The following CSTF1 variants were observed in gnomAD, a reference collection of about 807,000 sequenced individuals.
The protein encoded by CSTF1 is cleavage stimulation factor subunit 1.
In CSTF1, 2 loss-of-function variants were observed where a neutral mutation model predicts 40.9. The ratio of observed to expected loss-of-function variants is 0.05; its 90% CI spans 0.02 to 0.15. The LOEUF is 0.15. Among genes scored for constraint, CSTF1 ranks in the 10% least tolerant of loss-of-function variants. The pLI is 1.00. For missense variants in CSTF1, 279 were observed against 558.9 expected (o/e 0.50, Z 5.05); for synonymous variants, 218 against 207.2 (o/e 1.05, Z -0.45).
At chr20:56,395,833 G>A in intron 2 of CSTF1, 112 bp downstream of exon 2, 1 of 1,135,964 alleles carries the variant, frequency 8.8e-7, no homozygotes, top group South Asian at 1.6e-5. Context: ...TATGAGCCGG[G>A]TACTTCAGTA....
At position 56,397,323 on chromosome 20, in the gene CSTF1, G is replaced by C. The variant is rs1987546249; in HGVS notation, c.286G>C (p.Ala96Pro). The C allele has an allele frequency of 6.2e-7, 1 of 1,614,064 alleles. No individual in the cohort carries two copies. Among genetic ancestry groups the C allele is most frequent in the Non-Finnish European group, 8.5e-7 (1 of 1,180,032 alleles). The change falls in exon 3 of 6, where the codon GCT (alanine) becomes CCT (proline). Residue 96 changes from alanine to proline, a missense_variant. By Grantham distance (27) the Ala-to-Pro change is conservative. Around this residue, in one of 4 missense-constraint regions of CSTF1, gnomAD observed 66 missense variants for 148.0 expected, o/e 0.45. Coordinates refer to ENST00000217109, the MANE Select transcript of CSTF1 (RefSeq NM_001324.3). This position sits in a 1 kb window ranked among gnomAD's most constrained non-coding sequence, Gnocchi z 4.4. ...AGATGTTCAGACTATGTCCCCAGAG[G>C]CTTCTGAGTACGAAACATGCTATGT... ...DADVQTMSPE[A>P]SEYETCYVTS...
At chr20:56,396,173 C>T (rs1987513069) in intron 2 of CSTF1, among the ~76,000 whole-genome samples, 1 of 152,214 alleles carries the variant, frequency 6.6e-6, no homozygotes, top group Admixed American at 6.5e-5. Context: ...ACACTTCCCA[C>T]CTACTGCTGC....
Position 56,403,847 on chromosome 20 carries a change from T to C in CSTF1, c.*120T>C, listed in dbSNP as rs1224406164. ...CGTTTTGCTGCCACCTCTGTCCACA[T>C]TCTTCTTGGATTTGTATAAAAGAAT... On this transcript the variant is annotated 3_prime_UTR_variant, in exon 6 of 6. Coordinates refer to ENST00000217109, the MANE Select transcript of CSTF1 (RefSeq NM_001324.3). The C allele has an allele frequency of 5.0e-6, 5 of 997,672 alleles. No individual in the cohort carries two copies. The highest frequency in any genetic ancestry group is 5.5e-4 in the Middle Eastern group (2 of 3,646). 61.8% of individuals were successfully genotyped at this position (997,672 alleles called of 1,614,324 possible).
At chr20:56,401,484 T>C (rs1341021747) in intron 5 of CSTF1, among the ~76,000 whole-genome samples, 1 of 152,222 alleles carries the variant, frequency 6.6e-6, no homozygotes, top group East Asian at 1.9e-4. Flanking sequence ...GGTAAAATAT[T>C]TCAGCACAGT....
At chr20:56,403,361 G>GGT in intron 5 of CSTF1, 107 bp from the exon 6 acceptor site, 1 of 1,285,188 alleles carries the variant, frequency 7.8e-7, no homozygotes, top group South Asian at 1.3e-5. Flanking sequence ...AAGTGTACAA[G>GGT]GTGTATCACT....
At chr20:56,393,130 A>AT (rs879898831) in intron 1 of CSTF1, among the ~76,000 whole-genome samples, 1,534 of 134,798 alleles carry the variant, frequency 0.011, 19 homozygotes, top group African/African-American at 0.04. Flanking sequence ...ATATATATAT[A>AT]TACACACACA....
rs746714304 is a variant in CSTF1, at chr20:56,397,182, C to A, written c.170-25C>A. ...TTAAGAAAAAACACTTGTTTTGTTA[C>A]GCCCTTAATTTTGATTTCTTTCAGG... is the stretch of plus-strand genomic sequence containing the variant. On this transcript the variant is annotated intron_variant, in intron 2 of 5. Coordinates refer to ENST00000217109, the MANE Select transcript of CSTF1 (RefSeq NM_001324.3). The surrounding 1 kb of genome is among the most constrained non-coding windows in gnomAD (Gnocchi z 4.4). 3 of 1,595,012 alleles carry A rather than the reference C, an allele frequency of 1.9e-6. No homozygotes were observed. Among genetic ancestry groups the A allele is most frequent in the Non-Finnish European group, 2.6e-6 (3 of 1,169,488 alleles).
chr20:56,395,470 T>A, intron 1 of CSTF1, 51 bp from the exon 2 acceptor site: 1 of 1,228,268 alleles, frequency 8.1e-7, no homozygotes, highest in African/African-American at 1.5e-5. Context: ...ATGTTGCTTC[T>A]GTGATTTACT....
intron 2 of CSTF1, among the ~76,000 whole-genome samples, chr20:56,396,435 A>G (rs1024068109): frequency 6.6e-6 from 1 of 152,254 alleles, no homozygotes; most frequent in Non-Finnish European, 1.5e-5. Flanking sequence ...AGTGAATACT[A>G]TAACATAATT....
In CSTF1 at chr20:56,397,410, A is replaced by G. The variant is rs1334892659; in HGVS notation, c.373A>G (p.Thr125Ala). The G allele has an allele frequency of 6.2e-7, 1 of 1,614,204 alleles. No individual in the cohort carries two copies. ...TAGTAGAGATGGACAGTTAATAGCT[A>G]CTGGGTCTGCTGATGCTTCGATAAA... is the stretch of plus-strand genomic sequence containing the variant. ...TYSRDGQLIA[T>A]GSADASIKIL... is the part of the protein sequence containing the mutation. The change falls in exon 3 of 6, where the codon ACT (threonine) becomes GCT (alanine). Residue 125 changes from threonine to alanine, a missense_variant. Thr to Ala is a moderately conservative substitution (Grantham distance 58). This residue lies in a region of CSTF1 where 66 missense variants were observed against 148.0 expected (regional missense o/e 0.45). Transcript: ENST00000217109. This position sits in a 1 kb window ranked among gnomAD's most constrained non-coding sequence, Gnocchi z 4.4.
chr20:56,398,091 T>C (rs1214454085), intron 4 of CSTF1, among the ~76,000 whole-genome samples: 1 of 152,196 alleles, frequency 6.6e-6, no homozygotes, highest in East Asian at 1.9e-4. Context: ...TATCACTCTC[T>C]AAAGGTTGTA....
chr20:56,405,881 A>G lies in CSTF1; in HGVS notation c.*2154A>G, dbSNP rs1010608694. 4 of 152,154 alleles carry G rather than the reference A, an allele frequency of 2.6e-5. No homozygotes were observed. Among genetic ancestry groups the G allele is most frequent in the African/African-American group, 9.7e-5 (4 of 41,432 alleles). The allele number at this position is 152,154 out of a possible 1,614,324, so 9.4% of individuals were successfully genotyped here. On this transcript the variant is annotated 3_prime_UTR_variant, in exon 6 of 6. Coordinates refer to ENST00000217109, the MANE Select transcript of CSTF1 (RefSeq NM_001324.3). The stretch of plus-strand genomic sequence containing the variant: ...TTTCCTTTTGCTTTCAACCTCTTAA[A>G]CTGTAAAGGAGAGATTTAATGTTTC...
At position 56,405,020 on chromosome 20, in the gene CSTF1, T is replaced by A. The variant is rs1309581311; in HGVS notation, c.*1293T>A. 6.6e-6 allele frequency: 1 copy of A among 151,108 alleles called. No homozygotes were observed. The highest frequency in any genetic ancestry group is 2.4e-5 in the African/African-American group (1 of 40,956). The allele number at this position is 151,108 out of a possible 1,614,324, so 9.4% of individuals were successfully genotyped here. A position where few individuals can be genotyped will look rare whatever the true frequency, so the allele number is the denominator to read the frequency against. On this transcript the variant is annotated 3_prime_UTR_variant, in exon 6 of 6. Coordinates refer to ENST00000217109, the MANE Select transcript of CSTF1 (RefSeq NM_001324.3). Reference sequence around the variant, plus strand: ...TTCTCTGGATTCAGCACTAGCAGAGTCAGAGAACTCTGAACTCCCCTTGTA... The same window carrying A: ...TTCTCTGGATTCAGCACTAGCAGAGACAGAGAACTCTGAACTCCCCTTGTA...
intron 5 of CSTF1, among the ~76,000 whole-genome samples, chr20:56,402,947 AAG>A (rs1237359288): frequency 5.9e-5 from 9 of 151,964 alleles, no homozygotes; most frequent in African/African-American, 2.2e-4. Context: ...AAAAAAAAAA[AAG>A]ATCACACACA....
In CSTF1 at chr20:56,397,971, A is replaced by G; in HGVS notation, c.645+130A>G. On this transcript the variant is annotated intron_variant, in intron 4 of 5. Coordinates refer to ENST00000217109, the MANE Select transcript of CSTF1 (RefSeq NM_001324.3). This position sits in a 1 kb window ranked among gnomAD's most constrained non-coding sequence, Gnocchi z 4.4. Reference sequence around the variant, plus strand: ...GCGTACAGACCAGGATGCATGCCCGATGGCACATGGATCAGATTTTGTTGG... The same window carrying G: ...GCGTACAGACCAGGATGCATGCCCGGTGGCACATGGATCAGATTTTGTTGG... The G allele has an allele frequency of 1.4e-6, 1 of 701,714 alleles. No homozygotes were observed. Among genetic ancestry groups the G allele is most frequent in the East Asian group, 2.7e-5 (1 of 37,160 alleles). 43.5% of individuals were successfully genotyped at this position (701,714 alleles called of 1,614,324 possible). A position where few individuals can be genotyped will look rare whatever the true frequency, so the allele number is the denominator to read the frequency against.
rs1987494199 is a variant in CSTF1, at chr20:56,395,575, T to C, written c.23T>C (p.Leu8Ser). ...AAGATGTACAGAACCAAAGTGGGCT[T>C]GAAGGACCGCCAGCAGCTCTACAAG... MYRTKVG[L>S]KDRQQLYKLI... The change falls in exon 2 of 6, where the codon TTG (leucine) becomes TCG (serine). Residue 8 changes from leucine (L) to serine (S), a missense_variant. Physicochemically the swap from Leu to Ser is moderately radical, Grantham distance 145 (BLOSUM62 -2). Coordinates refer to ENST00000217109, the MANE Select transcript of CSTF1 (RefSeq NM_001324.3). 5.0e-6 allele frequency: 8 copies of C among 1,614,100 alleles called. No homozygotes were observed. Among genetic ancestry groups the C allele is most frequent in the Non-Finnish European group, 5.9e-6 (7 of 1,179,994 alleles).
At chr20:56,393,233 A>G (rs1029760041) in intron 1 of CSTF1, among the ~76,000 whole-genome samples, 4 of 152,070 alleles carry the variant, frequency 2.6e-5, no homozygotes, top group Admixed American at 6.6e-5. Context: ...GAGACCGGAT[A>G]GAACAGTGGT....
At position 56,403,770 on chromosome 20, in the gene CSTF1, C is replaced by T; in HGVS notation, c.*43C>T. The T allele has an allele frequency of 6.4e-7, 1 of 1,566,490 alleles. No individual in the cohort carries two copies. ...GTTCTTTCTCGAGGACTCTACCCTC[C>T]TCCCCCACGTCCTGTCTCAGCTGCA... On this transcript the variant is annotated 3_prime_UTR_variant, in exon 6 of 6. Coordinates refer to ENST00000217109, the MANE Select transcript of CSTF1 (RefSeq NM_001324.3).
In CSTF1 at chr20:56,406,051, T is replaced by G. The variant is rs1169964442; in HGVS notation, c.*2324T>G. ...AATGGATCTGTAGTTTCAGGACCTG[T>G]TTTTAAAAGATCAAGATACTTTTAT... is the stretch of plus-strand genomic sequence containing the variant. On this transcript the variant is annotated 3_prime_UTR_variant, in exon 6 of 6. Transcript: ENST00000217109. 1.3e-5 allele frequency: 2 copies of G among 152,228 alleles called. No homozygotes were observed. Among genetic ancestry groups the G allele is most frequent in the African/African-American group, 4.8e-5 (2 of 41,448 alleles). 9.4% of individuals were successfully genotyped at this position (152,228 alleles called of 1,614,324 possible).
Sources: allele counts gnomAD v4.1 joint callset (sites outside exome capture counted in the v4.1 genomes callset), GRCh38; gene constraint gnomAD v4.1.1; regional missense constraint gnomAD v4.1.1; non-coding constraint Gnocchi (gnomAD v3.1); transcripts MANE v1.5; gene names NCBI Gene and HGNC (gene_info 2026-07-23, HGNC 2026-07-21).